ROBO2: variants seen among roughly 807,000 people sequenced by gnomAD.
The protein encoded by ROBO2 is roundabout homolog 2.
Under a neutral mutation model 160.8 loss-of-function variants are expected in ROBO2, and 53 were observed. The ratio of observed to expected loss-of-function variants is 0.33; its 90% CI spans 0.26 to 0.41. ROBO2 has a LOEUF of 0.41. Ranked by LOEUF, ROBO2 falls within the 10% of genes least tolerant of loss-of-function variation. The pLI, the probability that ROBO2 is intolerant of heterozygous loss-of-function variation, is 1.00. For synonymous variants in ROBO2, 664 were observed against 611.7 expected (o/e 1.09, Z -1.26); for missense variants, 1,577 against 1,722.4 (o/e 0.92, Z 1.49).
At chr3:77,303,541 A>G (rs996586025) in intron 2 of ROBO2, among the ~76,000 whole-genome samples, 1 of 152,148 alleles carries the variant, frequency 6.6e-6, no homozygotes, top group Non-Finnish European at 1.5e-5. Flanking sequence ...GAAATAATAT[A>G]TATTTATTGC....
chr3:76,509,797 G>C (rs2080986719), intron 2 of ROBO2, among the ~76,000 whole-genome samples: 1 of 152,110 alleles, frequency 6.6e-6, no homozygotes, highest in Non-Finnish European at 1.5e-5. Flanking sequence ...GCCTCACTCA[G>C]GTTGAGCACC....
At chr3:76,297,730 C>G (rs1265853278) in intron 2 of ROBO2, among the ~76,000 whole-genome samples, 6 of 94,522 alleles carry the variant, frequency 6.3e-5, no homozygotes, top group African/African-American at 1.5e-4. Context: ...AAAAAAAAAG[C>G]CCACTTGAAA....
intron 23 of ROBO2, chr3:77,632,307 C>T (rs1217550764): frequency 3.7e-6 from 2 of 534,924 alleles, no homozygotes. Flanking sequence ...CATTCTTCTG[C>T]ACAAAAAATG....
intron 2 of ROBO2, among the ~76,000 whole-genome samples, chr3:77,304,784 T>C (rs2062957311): frequency 6.6e-6 from 1 of 152,194 alleles, no homozygotes; most frequent in Non-Finnish European, 1.5e-5. Flanking sequence ...AATAACAGCA[T>C]GAGAGATACA....
chr3:77,064,182 A>G (rs1265665396), intron 1 of ROBO2, among the ~76,000 whole-genome samples: 1 of 152,194 alleles, frequency 6.6e-6, no homozygotes, highest in African/African-American at 2.4e-5. Flanking sequence ...TACCTTAAAA[A>G]TGTATTAAAT....
At chr3:77,316,979 C>A in intron 2 of ROBO2, 2 of 1,478,262 alleles carry the variant, frequency 1.4e-6, no homozygotes, top group South Asian at 1.1e-5. Context: ...GCTGTCCAGA[C>A]GAGATTGACA....
At chr3:77,364,363 G>A (rs2070511897) in intron 2 of ROBO2, among the ~76,000 whole-genome samples, 1 of 152,054 alleles carries the variant, frequency 6.6e-6, no homozygotes, top group Non-Finnish European at 1.5e-5. Context: ...GGCAGAGTTT[G>A]ATGAGGCTTT....
chr3:76,622,741 C>T (rs1469703536), intron 2 of ROBO2, among the ~76,000 whole-genome samples: 1 of 152,118 alleles, frequency 6.6e-6, no homozygotes, highest in African/African-American at 2.4e-5. Flanking sequence ...TGTTTCTTTG[C>T]CTACAATCTC....
chr3:77,176,972 C>T (rs911477065), intron 2 of ROBO2, among the ~76,000 whole-genome samples: 12 of 151,770 alleles, frequency 7.9e-5, no homozygotes, highest in Admixed American at 2.0e-4. Flanking sequence ...TCAAATTTTT[C>T]TTTAAAGAAT....
At chr3:76,814,267 A>G (rs1232490147) in intron 2 of ROBO2, among the ~76,000 whole-genome samples, 1 of 152,110 alleles carries the variant, frequency 6.6e-6, no homozygotes, top group African/African-American at 2.4e-5. Flanking sequence ...GTAACTTGTG[A>G]GTTCTAATAT....
At position 77,262,526 on chromosome 3, in the gene ROBO2, T is replaced by C. The variant is rs993726074; in HGVS notation, c.388+164186T>C. Among the ~76,000 whole-genome samples the C allele has an allele frequency of 4.6e-5, 7 of 152,052 alleles. No individual in the cohort carries two copies. The East Asian group carries it at 1.2e-3, about 25-fold the overall frequency. On this transcript the variant is annotated intron_variant, in intron 2 of 25. Coordinates refer to ENST00000461745, the Ensembl canonical transcript of ROBO2. ...GGCCTTAGCTATACATCCTTGTAAG[T>C]AATATATTACAACTGAAGAAATCCC...
chr3:76,309,014 T>C (rs1259531639), intron 2 of ROBO2, among the ~76,000 whole-genome samples: 4 of 152,330 alleles, frequency 2.6e-5, no homozygotes, highest in Admixed American at 2.6e-4. Flanking sequence ...TTCAAACCTA[T>C]TTGACATTTT....
At chr3:76,979,322 G>A (rs1382074963) in intron 2 of ROBO2, among the ~76,000 whole-genome samples, 1 of 151,934 alleles carries the variant, frequency 6.6e-6, no homozygotes, top group Non-Finnish European at 1.5e-5. Flanking sequence ...TGTGAATAAT[G>A]TTCACTGTAC....
chr3:76,278,930 G>A (rs1467435051), intron 2 of ROBO2, among the ~76,000 whole-genome samples: 1 of 151,886 alleles, frequency 6.6e-6, no homozygotes, highest in Non-Finnish European at 1.5e-5. Context: ...CCCAATGCCT[G>A]AGAGATAAAG....
intron 2 of ROBO2, among the ~76,000 whole-genome samples, chr3:76,630,180 A>G (rs746409377): frequency 2.0e-5 from 3 of 152,168 alleles, no homozygotes; most frequent in African/African-American, 4.8e-5. Flanking sequence ...TGTTCTCTCT[A>G]TGTCGGCTGG....
chr3:76,901,699 A>AT (rs1011828571), intron 2 of ROBO2, among the ~76,000 whole-genome samples: 4 of 150,818 alleles, frequency 2.7e-5, no homozygotes, highest in African/African-American at 9.7e-5. Flanking sequence ...TCATCTTTTT[A>AT]TTTTTTACCC....
intron 2 of ROBO2, among the ~76,000 whole-genome samples, chr3:76,101,343 AAGGGAC>A (rs1276871562): frequency 1.3e-5 from 2 of 152,140 alleles, no homozygotes; most frequent in Admixed American, 1.3e-4. Context: ...CCTTTATGAG[AAGGGAC>A]AATGGAGTAA....
intron 1 of ROBO2, among the ~76,000 whole-genome samples, chr3:75,929,854 C>T (rs1236703831): frequency 6.6e-6 from 1 of 152,116 alleles, no homozygotes; most frequent in Non-Finnish European, 1.5e-5. Flanking sequence ...ACCACCACAC[C>T]CAGCTAATTT....
chr3:76,656,441 C>T (rs764307893), intron 2 of ROBO2, among the ~76,000 whole-genome samples: 82 of 152,074 alleles, frequency 5.4e-4, no homozygotes, highest in Non-Finnish European at 1.0e-3. Flanking sequence ...AATCTTTTCT[C>T]TCAACAAGCA....
Sources: gnomAD v4.1 joint callset for allele counts (sites outside exome capture counted in the v4.1 genomes callset) on GRCh38, gnomAD v4.1.1 for gene constraint, MANE v1.5 for transcripts, NCBI Gene and HGNC (gene_info 2026-07-23, HGNC 2026-07-21) for gene names.